CAMK1D: variants seen among roughly 807,000 people sequenced by gnomAD.
CAMK1D encodes the protein calcium/calmodulin-dependent protein kinase type 1D.
A neutral mutation model predicts 47.7 loss-of-function variants in CAMK1D; 9 were observed. The observed-to-expected ratio is 0.19, with a 90% confidence interval of 0.11 to 0.33. CAMK1D has a LOEUF of 0.33. Among genes scored for constraint, CAMK1D ranks in the 10% least tolerant of loss-of-function variants. CAMK1D has a pLI of 1.00. For missense variants in CAMK1D, 291 were observed against 488.7 expected (o/e 0.60, Z 3.81); for synonymous variants, 184 against 184.9 (o/e 0.99, Z 0.04).
intron 1 of CAMK1D, among the ~76,000 whole-genome samples, chr10:12,498,402 G>A (rs55720196): frequency 0.026 from 4,021 of 152,332 alleles, 175 homozygotes; most frequent in African/African-American, 0.092. Context: ...CAAGGGAGAA[G>A]ACTTCTGGGT....
chr10:12,601,887 A>C (rs1355996603), intron 2 of CAMK1D, among the ~76,000 whole-genome samples: 3 of 152,202 alleles, frequency 2.0e-5, no homozygotes, highest in African/African-American at 7.2e-5. Flanking sequence ...TGCATTAGGT[A>C]CCTGTGGACA....
chr10:12,643,415 C>T (rs368758364), intron 2 of CAMK1D, among the ~76,000 whole-genome samples: 1 of 152,154 alleles, frequency 6.6e-6, no homozygotes, highest in Non-Finnish European at 1.5e-5. Context: ...CAGCAGGAGA[C>T]GAGCGGCAGG....
intron 3 of CAMK1D, among the ~76,000 whole-genome samples, chr10:12,745,595 TTTTC>T (rs1377357584): frequency 1.2e-4 from 16 of 137,294 alleles, no homozygotes; most frequent in African/African-American, 4.9e-4. Flanking sequence ...ACTCTGCCAA[TTTTC>T]TTTTTTTCTT....
At position 12,603,581 on chromosome 10, in the gene CAMK1D, C is replaced by T. The variant is rs577410774; in HGVS notation, c.224+50225C>T. Among the ~76,000 whole-genome samples, 10 of 152,250 alleles carry T rather than the reference C, an allele frequency of 6.6e-5. No homozygotes were observed. The East Asian group carries it at 9.7e-4, about 15-fold the overall frequency. On this transcript the variant is annotated intron_variant, in intron 2 of 10. Transcript: ENST00000619168. ...TGTGCTATTCGATGGAGTGGGACCTCGGGTTGAGAACACGGCTCCAGGACA... is the reference window on the plus strand; with the variant it reads ...TGTGCTATTCGATGGAGTGGGACCTTGGGTTGAGAACACGGCTCCAGGACA...
chr10:12,545,341 T>G (rs527312278), intron 1 of CAMK1D, among the ~76,000 whole-genome samples: 2 of 89,280 alleles, frequency 2.2e-5, no homozygotes, highest in South Asian at 7.5e-4. Flanking sequence ...TTTTAGCTAC[T>G]CAGGATACTG....
chr10:12,689,732 T>C lies in CAMK1D; in HGVS notation c.299+22922T>C, dbSNP rs370481020. On this transcript the variant is annotated intron_variant, in intron 3 of 10. Transcript: ENST00000619168. Reference sequence around the variant, plus strand: ...TGGAGGTTGCGTTGAGCCGAGATCATACCATTGTAGTCCAGCCTGGGCGAC... The same window carrying C: ...TGGAGGTTGCGTTGAGCCGAGATCACACCATTGTAGTCCAGCCTGGGCGAC... 7.2e-4 allele frequency among the ~76,000 whole-genome samples: 108 copies of C among 150,734 alleles called. 1 individual carries two copies. The South Asian group carries it at 0.021, about 30-fold the overall frequency.
At chr10:12,799,087 C>T (rs1440912933) in intron 6 of CAMK1D, among the ~76,000 whole-genome samples, 1 of 152,130 alleles carries the variant, frequency 6.6e-6, no homozygotes, top group Non-Finnish European at 1.5e-5. Flanking sequence ...CCATCGTACA[C>T]CAGCAAGTCA....
chr10:12,597,981 AAAC>A (rs979336244), intron 2 of CAMK1D, among the ~76,000 whole-genome samples: 1 of 151,656 alleles, frequency 6.6e-6, no homozygotes, highest in African/African-American at 2.4e-5. Flanking sequence ...GATAAGGAAA[AAAC>A]AACATGCACA....
At chr10:12,701,810 G>A (rs926451870) in intron 3 of CAMK1D, among the ~76,000 whole-genome samples, 1 of 152,218 alleles carries the variant, frequency 6.6e-6, no homozygotes, top group African/African-American at 2.4e-5. Context: ...CGTGACAGAA[G>A]TGGATTTCTC....
rs191930763 is a variant in CAMK1D, at chr10:12,653,860, C to T, written c.225-12876C>T. On this transcript the variant is annotated intron_variant, in intron 2 of 10. Coordinates refer to ENST00000619168, the MANE Select transcript of CAMK1D (RefSeq NM_153498.4). Reference sequence around the variant, plus strand: ...CTGTGTTCCTGATGCTTCATTATCTCGTTTGAATGAAAGAGCAGCACTGGG... The same window carrying T: ...CTGTGTTCCTGATGCTTCATTATCTTGTTTGAATGAAAGAGCAGCACTGGG... Among the ~76,000 whole-genome samples the T allele has an allele frequency of 5.0e-4, 76 of 152,296 alleles. 1 individual carries two copies. Among genetic ancestry groups the T allele is most frequent in the Admixed American group, 4.2e-3 (64 of 15,296 alleles).
intron 1 of CAMK1D, among the ~76,000 whole-genome samples, chr10:12,477,585 G>T (rs978596329): frequency 1.8e-4 from 28 of 152,176 alleles, no homozygotes; most frequent in African/African-American, 6.5e-4. Context: ...ACGGGATTTA[G>T]GTAGACAGGT....
At position 12,723,496 on chromosome 10, in the gene CAMK1D, C is replaced by T. The variant is rs567223145; in HGVS notation, c.300-37452C>T. Among the ~76,000 whole-genome samples the T allele has an allele frequency of 1.2e-4, 19 of 152,172 alleles. No homozygotes were observed. In the South Asian group the frequency reaches 2.5e-3, roughly 20 times the overall value. ...AAGGAAGGTTATCTACTGAAAATAC[C>T]GCAGTAGTATTGATTACATTAAGGC... is the stretch of plus-strand genomic sequence containing the variant. On this transcript the variant is annotated intron_variant, in intron 3 of 10. Coordinates refer to ENST00000619168, the MANE Select transcript of CAMK1D (RefSeq NM_153498.4).
At chr10:12,741,732 G>T (rs1263669471) in intron 3 of CAMK1D, among the ~76,000 whole-genome samples, 1 of 152,156 alleles carries the variant, frequency 6.6e-6, no homozygotes, top group Non-Finnish European at 1.5e-5. Context: ...CGCATCTGCC[G>T]GGAAGGGAGG....
At chr10:12,374,973 T>C (rs1838133605) in intron 1 of CAMK1D, among the ~76,000 whole-genome samples, 1 of 151,670 alleles carries the variant, frequency 6.6e-6, no homozygotes, top group African/African-American at 2.4e-5. Flanking sequence ...AGAAATATTT[T>C]TGTGGAGATG....
chr10:12,596,918 G>A (rs1436089317), intron 2 of CAMK1D, among the ~76,000 whole-genome samples: 1 of 151,826 alleles, frequency 6.6e-6, no homozygotes, highest in Non-Finnish European at 1.5e-5. Context: ...CACTGGTTTA[G>A]AGATTGAAAG....
At chr10:12,505,422 G>A (rs1237225241) in intron 1 of CAMK1D, among the ~76,000 whole-genome samples, 2 of 152,174 alleles carry the variant, frequency 1.3e-5, no homozygotes, top group Non-Finnish European at 2.9e-5. Context: ...GCAGTAAAAC[G>A]GGTGTAGAAA....
At chr10:12,793,780 G>A (rs1838081073) in intron 6 of CAMK1D, among the ~76,000 whole-genome samples, 1 of 152,238 alleles carries the variant, frequency 6.6e-6, no homozygotes, top group Non-Finnish European at 1.5e-5. Flanking sequence ...TTGAGTGAAA[G>A]CACAGTTCTT....
At chr10:12,663,409 T>C (rs1391545070) in intron 2 of CAMK1D, among the ~76,000 whole-genome samples, 1 of 152,166 alleles carries the variant, frequency 6.6e-6, no homozygotes, top group Non-Finnish European at 1.5e-5. Flanking sequence ...CTGGTCAGCA[T>C]TGAGAAGACT....
chr10:12,688,765 A>G (rs1564493491), intron 3 of CAMK1D, among the ~76,000 whole-genome samples: 2 of 152,034 alleles, frequency 1.3e-5, no homozygotes, highest in Non-Finnish European at 2.9e-5. Context: ...GCTCATCGCA[A>G]CCTCTGCCTG....
Sources: allele counts gnomAD v4.1 joint callset (sites outside exome capture counted in the v4.1 genomes callset), GRCh38; gene constraint gnomAD v4.1.1; transcripts MANE v1.5; gene names NCBI Gene and HGNC (gene_info 2026-07-23, HGNC 2026-07-21).